CFAP77: variants seen among roughly 807,000 people sequenced by gnomAD.
CFAP77 encodes the protein cilia and flagella associated protein 77, also known as cilia- and flagella-associated protein 77.
A neutral mutation model predicts 31.1 loss-of-function variants in CFAP77; 25 were observed. The observed-to-expected ratio is 0.80, with a 90% CI of 0.59 to 1.12. The LOEUF (loss-of-function observed/expected upper bound fraction) is 1.12. Among genes scored for constraint, CFAP77 ranks in the 50% most tolerant of loss-of-function variants. The pLI is 0.00. For synonymous variants in CFAP77, 151 were observed against 159.9 expected, an observed-to-expected ratio of 0.94 and a Z score of 0.42; for missense variants, 377 against 397.3, an observed-to-expected ratio of 0.95 and a Z score of 0.44.
At chr9:132,531,246 AT>A (rs1378676711) in intron 3 of CFAP77, among the ~76,000 whole-genome samples, 1 of 152,200 alleles carries the variant, frequency 6.6e-6, no homozygotes, top group East Asian at 1.9e-4. Context: ...TCAACAAGAA[AT>A]AATTACTGAG....
At chr9:132,476,343 T>C (rs116168840) in intron 1 of CFAP77, among the ~76,000 whole-genome samples, 3,414 of 152,192 alleles carry the variant, frequency 0.022, 118 homozygotes, top group African/African-American at 0.078. Context: ...CACCCTCCTC[T>C]TGTGGGGCTG....
intron 5 of CFAP77, among the ~76,000 whole-genome samples, chr9:132,569,728 C>CTTTTTTTTT (rs558402201): frequency 2.0e-5 from 2 of 98,476 alleles, no homozygotes; most frequent in African/African-American, 4.5e-5. Context: ...TCTAGCTGCC[C>CTTTTTTTTT]TTTTTTTTTT....
intron 5 of CFAP77, among the ~76,000 whole-genome samples, chr9:132,555,018 C>G (rs1383393937): frequency 6.6e-6 from 1 of 152,158 alleles, no homozygotes; most frequent in East Asian, 1.9e-4. Context: ...GTTTGTTCAT[C>G]CAACCATCCA....
At chr9:132,514,199 G>A (rs2119001676) in intron 3 of CFAP77, among the ~76,000 whole-genome samples, 1 of 150,854 alleles carries the variant, frequency 6.6e-6, no homozygotes, top group South Asian at 2.1e-4. Flanking sequence ...CATTGACCAC[G>A]AGTGAGAGTG....
At chr9:132,482,561 C>A (rs1008208437) in intron 1 of CFAP77, 23 of 674,400 alleles carry the variant, frequency 3.4e-5, no homozygotes, top group Non-Finnish European at 5.7e-5. Flanking sequence ...GTCATTACGC[C>A]ATGGGGTGGG....
intron 3 of CFAP77, among the ~76,000 whole-genome samples, chr9:132,500,053 G>A (rs1851816540): frequency 6.6e-6 from 1 of 151,954 alleles, no homozygotes; most frequent in Non-Finnish European, 1.5e-5. Flanking sequence ...CTTGAGGGCT[G>A]AGGCGGGAGG....
intron 1 of CFAP77, among the ~76,000 whole-genome samples, chr9:132,473,818 G>A (rs1223738295): frequency 6.6e-6 from 1 of 152,134 alleles, no homozygotes; most frequent in Non-Finnish European, 1.5e-5. Flanking sequence ...CAAGTAGCTG[G>A]GATTACAGGC....
At chr9:132,479,422 GAC>G (rs1851407811) in intron 1 of CFAP77, among the ~76,000 whole-genome samples, 1 of 152,196 alleles carries the variant, frequency 6.6e-6, no homozygotes, top group Non-Finnish European at 1.5e-5. Context: ...TTCAGATACA[GAC>G]ACAGCTGGGT....
intron 1 of CFAP77, among the ~76,000 whole-genome samples, chr9:132,478,087 C>A (rs1851380791): frequency 6.6e-6 from 1 of 152,094 alleles, no homozygotes; most frequent in Admixed American, 6.5e-5. Context: ...GTGTCCCCAC[C>A]CAAATCTCAT....
intron 1 of CFAP77, among the ~76,000 whole-genome samples, chr9:132,448,452 G>T (rs977932723): frequency 6.6e-6 from 1 of 152,160 alleles, no homozygotes; most frequent in Non-Finnish European, 1.5e-5. Context: ...ACTTCTCTGA[G>T]CCTCCATTTC....
intron 1 of CFAP77, among the ~76,000 whole-genome samples, chr9:132,433,023 AT>A: frequency 6.7e-6 from 1 of 149,660 alleles, no homozygotes; most frequent in Middle Eastern, 3.6e-3. Flanking sequence ...CAATTTTCGT[AT>A]TTTTAGTAGA....
intron 1 of CFAP77, among the ~76,000 whole-genome samples, chr9:132,429,619 T>C (rs939667918): frequency 7.0e-5 from 7 of 99,368 alleles, no homozygotes; most frequent in Admixed American, 1.2e-4. Flanking sequence ...CCAAGGCGGG[T>C]GGATCACAAG....
intron 1 of CFAP77, among the ~76,000 whole-genome samples, chr9:132,468,567 G>T (rs1851196246): frequency 6.6e-6 from 1 of 152,126 alleles, no homozygotes; most frequent in Non-Finnish European, 1.5e-5. Context: ...CCTCCAGGAA[G>T]CCTTCCCTGA....
intron 3 of CFAP77, among the ~76,000 whole-genome samples, chr9:132,523,453 T>C: frequency 6.6e-6 from 1 of 152,242 alleles, no homozygotes; most frequent in East Asian, 1.9e-4. Context: ...TCTCCTCCCC[T>C]GACTTCTTGT....
chr9:132,447,752 T>C (rs987735164), intron 1 of CFAP77, among the ~76,000 whole-genome samples: 5 of 152,156 alleles, frequency 3.3e-5, no homozygotes, highest in Non-Finnish European at 5.9e-5. Context: ...TTTTCTAGAA[T>C]ACTAAAAGGT....
intron 1 of CFAP77, among the ~76,000 whole-genome samples, chr9:132,425,079 T>C (rs1452079603): frequency 1.3e-5 from 2 of 152,212 alleles, no homozygotes; most frequent in East Asian, 3.8e-4. Flanking sequence ...AGGCCTGATC[T>C]GGCCTAACTC....
intron 1 of CFAP77, among the ~76,000 whole-genome samples, chr9:132,447,417 A>C (rs1850744731): frequency 6.6e-6 from 1 of 152,222 alleles, no homozygotes; most frequent in African/African-American, 2.4e-5. Flanking sequence ...TTTGAAGCCT[A>C]GCAGGTAATC....
At chr9:132,523,786 A>G (rs1427167653) in intron 3 of CFAP77, among the ~76,000 whole-genome samples, 2 of 152,062 alleles carry the variant, frequency 1.3e-5, no homozygotes, top group Admixed American at 6.5e-5. Flanking sequence ...GGTATCATCA[A>G]TACTCCCAAT....
intron 1 of CFAP77, among the ~76,000 whole-genome samples, chr9:132,440,796 G>A (rs543704178): frequency 5.3e-5 from 8 of 152,290 alleles, no homozygotes; most frequent in East Asian, 3.9e-4. Context: ...TAGGGACTTC[G>A]ATAACCCATC....
Sources: gnomAD v4.1 joint callset for allele counts (sites outside exome capture counted in the v4.1 genomes callset) on GRCh38, gnomAD v4.1.1 for gene constraint, MANE v1.5 for transcripts, NCBI Gene and HGNC (gene_info 2026-07-23, HGNC 2026-07-21) for gene names.